Variants in KDM4C observed in about 807,000 individuals in gnomAD.
KDM4C encodes lysine demethylase 4C.
In KDM4C, 81 loss-of-function variants were observed where a neutral mutation model predicts 129.3. That is an observed-to-expected ratio of 0.63 (90% CI 0.52 to 0.75). KDM4C has a LOEUF of 0.75. Ranked by LOEUF, KDM4C falls within the 30% of genes least tolerant of loss-of-function variation. The pLI, the probability that KDM4C is intolerant of heterozygous loss-of-function variation, is 0.00. For missense variants in KDM4C, 1,457 were observed against 1,304.0 expected (o/e 1.12, Z -1.81); for synonymous variants, 573 against 456.1 (o/e 1.26, Z -3.26).
intron 14 of KDM4C, among the ~76,000 whole-genome samples, chr9:7,015,301 C>T (rs1258722938): frequency 6.6e-6 from 1 of 152,028 alleles, no homozygotes; most frequent in African/African-American, 2.4e-5. Flanking sequence ...GACATGTGTT[C>T]CTTGATGCCA....
chr9:7,054,348 A>G (rs1215808941), intron 17 of KDM4C, among the ~76,000 whole-genome samples: 1 of 152,176 alleles, frequency 6.6e-6, no homozygotes, highest in Non-Finnish European at 1.5e-5. Context: ...CTCTACTAGT[A>G]TGATTGATTG....
chr9:7,068,686 C>CTTTTTTTTTTTTTTTTTTTTTT (rs542039227), intron 17 of KDM4C, among the ~76,000 whole-genome samples: 1 of 101,766 alleles, frequency 9.8e-6, no homozygotes, highest in Admixed American at 1.1e-4. Context: ...GATGCCCTTT[C>CTTTTTTTTTTTTTTTTTTTTTT]TTTTTTTTTT....
At chr9:7,167,513 T>A (rs890512829) in intron 20 of KDM4C, among the ~76,000 whole-genome samples, 2 of 152,246 alleles carry the variant, frequency 1.3e-5, no homozygotes, top group African/African-American at 4.8e-5. Flanking sequence ...CCTAGTTCAA[T>A]GTTAAAGAAA....
intron 18 of KDM4C, among the ~76,000 whole-genome samples, chr9:7,123,566 A>G (rs760529126): frequency 5.3e-5 from 8 of 152,178 alleles, no homozygotes; most frequent in Non-Finnish European, 8.8e-5. Context: ...TTCACTGTTC[A>G]TCTGTCAGGA....
Position 6,965,438 on chromosome 9 carries a change from T to G in KDM4C, c.922-15487T>G, listed in dbSNP as rs141362175. On this transcript the variant is annotated intron_variant, in intron 8 of 21. Transcript: ENST00000381309. ...TGACATTTATCTCCAGAACACAAGT[T>G]TGTTAGGGTTCTCCAGACTAACAAT... Among the ~76,000 whole-genome samples, 1,091 of 152,234 alleles carry G rather than the reference T, an allele frequency of 7.2e-3. 13 individuals are homozygous for G. The highest frequency in any genetic ancestry group is 0.024 in the African/African-American group (1,017 of 41,536).
chr9:7,003,005 C>T (rs983012069), intron 12 of KDM4C, among the ~76,000 whole-genome samples: 5 of 152,186 alleles, frequency 3.3e-5, no homozygotes, highest in African/African-American at 1.2e-4. Context: ...GGACTGCAGG[C>T]GCCTGCCACC....
chr9:7,133,492 A>G (rs931593548), intron 19 of KDM4C, among the ~76,000 whole-genome samples: 5 of 152,188 alleles, frequency 3.3e-5, no homozygotes, highest in Admixed American at 6.5e-5. Flanking sequence ...TCTGTAACAA[A>G]CCCTGCTCCA....
chr9:7,172,561 C>T (rs766791891), intron 21 of KDM4C, among the ~76,000 whole-genome samples: 1 of 152,180 alleles, frequency 6.6e-6, no homozygotes, highest in Non-Finnish European at 1.5e-5. Context: ...GTGTTTTCTC[C>T]TAATGGCAGA....
chr9:6,732,392 AAAAAAAAAAGAATG>A (rs1817377100), intron 1 of KDM4C, among the ~76,000 whole-genome samples: 5 of 119,332 alleles, frequency 4.2e-5, no homozygotes, highest in Admixed American at 1.5e-4. Flanking sequence ...AAAAAAAAAA[AAAAAAAAAAGAATG>A]AGGCCGGAAG....
At chr9:6,733,458 A>T (rs1399340728) in intron 1 of KDM4C, among the ~76,000 whole-genome samples, 2 of 152,150 alleles carry the variant, frequency 1.3e-5, no homozygotes, top group Non-Finnish European at 2.9e-5. Flanking sequence ...TGACCCTTTC[A>T]CCCAGTACTG....
intron 6 of KDM4C, among the ~76,000 whole-genome samples, chr9:6,887,395 C>A (rs1404690437): frequency 1.3e-5 from 2 of 152,172 alleles, no homozygotes; most frequent in East Asian, 3.8e-4. Flanking sequence ...TCAGGCTGTT[C>A]AGGCAGGTTC....
chr9:7,065,069 C>G lies in KDM4C; in HGVS notation c.2424+15869C>G, dbSNP rs187664536. Among the ~76,000 whole-genome samples the G allele has an allele frequency of 3.9e-5, 6 of 152,288 alleles. No individual in the cohort carries two copies. The East Asian group carries it at 5.8e-4, about 15-fold the overall frequency. ...GTCCTACAGTCAATCAAAACATAAT[C>G]TAACACCGGGATTTTGTTGCCAAGA... is the stretch of plus-strand genomic sequence containing the variant. On this transcript the variant is annotated intron_variant, in intron 17 of 21. Coordinates refer to ENST00000381309, the MANE Select transcript of KDM4C (RefSeq NM_015061.6).
chr9:6,870,574 C>T (rs145962089), intron 5 of KDM4C, among the ~76,000 whole-genome samples: 94 of 151,972 alleles, frequency 6.2e-4, no homozygotes, highest in African/African-American at 2.2e-3. Flanking sequence ...CTGTGATGAG[C>T]TGTAATCATA....
intron 2 of KDM4C, among the ~76,000 whole-genome samples, chr9:6,805,040 A>G (rs1285082560): frequency 6.6e-6 from 1 of 151,898 alleles, no homozygotes. Context: ...AGCTGGGACT[A>G]CAGGTGCGTG....
At chr9:6,932,313 C>T (rs75187288) in intron 8 of KDM4C, among the ~76,000 whole-genome samples, 38,357 of 151,976 alleles carry the variant, frequency 0.25, 5,330 homozygotes, top group South Asian at 0.39. Context: ...GTTTCTGCGG[C>T]ACAGGGATTA....
At chr9:6,840,584 G>A (rs4467991) in intron 4 of KDM4C, among the ~76,000 whole-genome samples, 62,957 of 151,546 alleles carry the variant, frequency 0.42, 14,170 homozygotes, top group East Asian at 0.61. Flanking sequence ...TTTAGTAGAG[G>A]CGGGGTTTCA....
chr9:6,790,757 T>G (rs1386666406), intron 1 of KDM4C, among the ~76,000 whole-genome samples: 1 of 150,582 alleles, frequency 6.6e-6, no homozygotes, highest in East Asian at 2.0e-4. Flanking sequence ...TAGAAGAAGG[T>G]TGGGGTGGGA....
chr9:7,103,602 T>G, intron 17 of KDM4C, 83 bp from the exon 18 acceptor site: 1 of 885,046 alleles, frequency 1.1e-6, no homozygotes, highest in Non-Finnish European at 1.8e-6. Flanking sequence ...TTTTCTTCTC[T>G]AGTAGCTATT....
chr9:6,774,145 C>T (rs1298268788), intron 1 of KDM4C, among the ~76,000 whole-genome samples: 2 of 151,976 alleles, frequency 1.3e-5, no homozygotes, highest in East Asian at 3.9e-4. Flanking sequence ...GCCTCAGCCT[C>T]CCAAAGTGCT....
Sources: gnomAD v4.1 joint callset for allele counts (sites outside exome capture counted in the v4.1 genomes callset) on GRCh38, gnomAD v4.1.1 for gene constraint, MANE v1.5 for transcripts, NCBI Gene and HGNC (gene_info 2026-07-23, HGNC 2026-07-21) for gene names.